ACER3: variants seen among roughly 807,000 people sequenced by gnomAD.
The protein encoded by ACER3 is alkaline ceramidase 3.
ACER3 carries 16 observed loss-of-function variants against 48.9 expected under a neutral mutation model. The observed-to-expected ratio is 0.33, with a 90% CI of 0.22 to 0.50. The LOEUF (loss-of-function observed/expected upper bound fraction) is 0.50, where lower values mean the gene tolerates loss of function less well. Ranked by LOEUF, ACER3 falls within the 20% of genes least tolerant of loss-of-function variation. ACER3 has a pLI of 0.98. For synonymous variants in ACER3, 109 were observed against 107.8 expected, an observed-to-expected ratio of 1.01 and a Z score of -0.07; for missense variants, 227 against 326.0, an observed-to-expected ratio of 0.70 and a Z score of 2.34.
chr11:76,866,059 C>T (rs536018082), intron 1 of ACER3, among the ~76,000 whole-genome samples: 1 of 150,464 alleles, frequency 6.6e-6, no homozygotes, highest in Admixed American at 6.6e-5. Flanking sequence ...CTCCTGGCCT[C>T]AAGTGATCTG....
At chr11:76,994,541 C>T (rs924438238) in intron 6 of ACER3, among the ~76,000 whole-genome samples, 2 of 152,252 alleles carry the variant, frequency 1.3e-5, no homozygotes, top group African/African-American at 2.4e-5. Context: ...GCTGGGATTA[C>T]AGGCATGTGC....
At chr11:76,992,894 A>G (rs1948832433) in intron 6 of ACER3, among the ~76,000 whole-genome samples, 1 of 150,772 alleles carries the variant, frequency 6.6e-6, no homozygotes, top group African/African-American at 2.4e-5. Flanking sequence ...TTTGAAATAG[A>G]GCCTCGCCCT....
At chr11:76,970,411 G>GAACAA (rs1948267169) in intron 3 of ACER3, among the ~76,000 whole-genome samples, 2 of 152,164 alleles carry the variant, frequency 1.3e-5, no homozygotes, top group Non-Finnish European at 2.9e-5. Flanking sequence ...AAACCAAATT[G>GAACAA]AAGGACATTA....
Position 77,022,840 on chromosome 11 carries a change from G to A in ACER3, c.*2513G>A, listed in dbSNP as rs1454184323. On this transcript the variant is annotated 3_prime_UTR_variant, in exon 11 of 11. Coordinates refer to ENST00000532485, the MANE Select transcript of ACER3 (RefSeq NM_018367.7). ...TTTTAGAAAATACTTTGTGAGGCCG[G>A]GCATGGTGGCAGAGCGAGACTCCGT... 2 of 281,590 alleles carry A rather than the reference G, an allele frequency of 7.1e-6. No individual in the cohort carries two copies. The highest frequency in any genetic ancestry group is 1.3e-5 in the Non-Finnish European group (2 of 155,038). 17.4% of individuals were successfully genotyped at this position (281,590 alleles called of 1,614,324 possible). A position where few individuals can be genotyped will look rare whatever the true frequency, so the allele number is the denominator to read the frequency against.
intron 1 of ACER3, among the ~76,000 whole-genome samples, chr11:76,893,904 G>T (rs1249430584): frequency 6.6e-6 from 1 of 152,174 alleles, no homozygotes; most frequent in Non-Finnish European, 1.5e-5. Context: ...CTAATGCAGT[G>T]CCTAAGCCCC....
chr11:76,882,306 A>T (rs1179698505), intron 1 of ACER3, among the ~76,000 whole-genome samples: 3 of 152,058 alleles, frequency 2.0e-5, no homozygotes, highest in African/African-American at 7.2e-5. Flanking sequence ...GCCCGGCCCA[A>T]AATCTTTTTT....
intron 1 of ACER3, among the ~76,000 whole-genome samples, chr11:76,861,324 A>G (rs1481490102): frequency 7.0e-6 from 1 of 143,516 alleles, no homozygotes; most frequent in East Asian, 2.1e-4. Context: ...GGGGCAGAAG[A>G]GCAGTGGGAA....
Position 77,024,822 on chromosome 11 carries a change from T to C in ACER3, c.*4495T>C, listed in dbSNP as rs1555025351. The stretch of plus-strand genomic sequence containing the variant: ...ATTACTACCTGATTTCAAAGGCAGC[T>C]AGTGTAGAAGACTGGTCACAAGAAT... On this transcript the variant is annotated 3_prime_UTR_variant, in exon 11 of 11. Transcript: ENST00000532485. The C allele has an allele frequency of 6.6e-6, 1 of 152,244 alleles. No individual in the cohort carries two copies. The highest frequency in any genetic ancestry group is 1.5e-5 in the Non-Finnish European group (1 of 68,046). The allele number at this position is 152,244 out of a possible 1,614,324, so 9.4% of individuals were successfully genotyped here.
chr11:76,861,923 T>C (rs909991547), intron 1 of ACER3, among the ~76,000 whole-genome samples: 2 of 152,216 alleles, frequency 1.3e-5, no homozygotes, highest in African/African-American at 2.4e-5. Flanking sequence ...GCTGGTCAGG[T>C]TGGGCTTGTT....
chr11:76,972,192 G>C (rs1347829416), intron 3 of ACER3, among the ~76,000 whole-genome samples: 1 of 152,186 alleles, frequency 6.6e-6, no homozygotes, highest in Non-Finnish European at 1.5e-5. Context: ...GGCTGTTTTT[G>C]AAAGTGGCTG....
chr11:76,919,543 A>G (rs1946632997), intron 1 of ACER3, among the ~76,000 whole-genome samples: 1 of 152,236 alleles, frequency 6.6e-6, no homozygotes, highest in African/African-American at 2.4e-5. Flanking sequence ...CTAAATCTAT[A>G]TCAAAATAAG....
intron 1 of ACER3, among the ~76,000 whole-genome samples, chr11:76,925,954 G>T (rs560164998): frequency 1.3e-5 from 2 of 152,092 alleles, no homozygotes; most frequent in South Asian, 2.1e-4. Flanking sequence ...TTCTACTGGG[G>T]TTTTTTACTA....
At chr11:76,914,877 A>G (rs1488976752) in intron 1 of ACER3, among the ~76,000 whole-genome samples, 1 of 152,208 alleles carries the variant, frequency 6.6e-6, no homozygotes, top group East Asian at 1.9e-4. Flanking sequence ...TAAAAAAAGG[A>G]TGAGTTCGTG....
intron 4 of ACER3, among the ~76,000 whole-genome samples, chr11:76,981,153 A>G (rs574243299): frequency 2.6e-5 from 4 of 152,230 alleles, no homozygotes; most frequent in African/African-American, 9.6e-5. Flanking sequence ...CATAAGTTTC[A>G]TCATTGCTAC....
chr11:76,952,744 G>A (rs1947718660), intron 2 of ACER3, among the ~76,000 whole-genome samples: 1 of 141,546 alleles, frequency 7.1e-6, no homozygotes, highest in African/African-American at 2.6e-5. Flanking sequence ...TCAACTCACT[G>A]TAACCTCCGC....
intron 6 of ACER3, among the ~76,000 whole-genome samples, chr11:76,993,782 C>T (rs919469285): frequency 6.6e-6 from 1 of 152,186 alleles, no homozygotes; most frequent in Non-Finnish European, 1.5e-5. Context: ...ACCTAGATCC[C>T]TTATATGTGC....
At chr11:76,959,195 A>G in intron 3 of ACER3, 164 bp downstream of exon 3, 2 of 1,511,260 alleles carry the variant, frequency 1.3e-6, no homozygotes, top group Non-Finnish European at 1.8e-6. Context: ...GTAAAGAAAT[A>G]AGCAGGTGAG....
At chr11:76,965,893 A>G (rs12806819) in intron 3 of ACER3, among the ~76,000 whole-genome samples, 3 of 151,160 alleles carry the variant, frequency 2.0e-5, no homozygotes, top group African/African-American at 4.9e-5. Context: ...GGAAGAAACT[A>G]CATCAACTAA....
At chr11:76,881,843 A>C (rs942047615) in intron 1 of ACER3, among the ~76,000 whole-genome samples, 1 of 151,932 alleles carries the variant, frequency 6.6e-6, no homozygotes, top group Non-Finnish European at 1.5e-5. Context: ...CATATCTATA[A>C]ATTTCTATAT....
Sources: allele counts gnomAD v4.1 joint callset (sites outside exome capture counted in the v4.1 genomes callset), GRCh38; gene constraint gnomAD v4.1.1; transcripts MANE v1.5; gene names NCBI Gene and HGNC (gene_info 2026-07-23, HGNC 2026-07-21).